Variants in FCRL6 observed in about 807,000 individuals in gnomAD.
FCRL6 encodes the protein Fc receptor-like protein 6.
In FCRL6, 50 loss-of-function variants were observed where a neutral mutation model predicts 49.1. The observed-to-expected ratio is 1.02, with a 90% confidence interval of 0.81 to 1.29. The LOEUF (loss-of-function observed/expected upper bound fraction) is 1.29. Among genes scored for constraint, FCRL6 ranks in the 50% most tolerant of loss-of-function variants. The pLI is 0.00. For missense variants in FCRL6, 571 were observed against 518.5 expected, an observed-to-expected ratio of 1.10 and a Z score of -0.98; for synonymous variants, 213 against 199.6, an observed-to-expected ratio of 1.07 and a Z score of -0.57.
intron 1 of FCRL6, among the ~76,000 whole-genome samples, chr1:159,805,341 C>T (rs1036917313): frequency 6.6e-6 from 1 of 151,526 alleles, no homozygotes; most frequent in Non-Finnish European, 1.5e-5. Flanking sequence ...TTTTCACCCA[C>T]CCTTCCCAAG....
intron 3 of FCRL6, chr1:159,808,739 C>A: frequency 1.6e-6 from 1 of 607,706 alleles, no homozygotes; most frequent in South Asian, 2.1e-5. Flanking sequence ...ACTTCGAAGG[C>A]CCCCTCTGCC....
At chr1:159,813,459 C>G (rs769023276) in intron 6 of FCRL6, 30 bp from the exon 7 acceptor site, 1 of 1,598,180 alleles carries the variant, frequency 6.3e-7, no homozygotes, top group Non-Finnish European at 8.6e-7. Flanking sequence ...CTAAGGGACA[C>G]CCAGTGAATC....
chr1:159,814,284 G>C lies in FCRL6; in HGVS notation c.1139G>C (p.Arg380Thr). 1 of 1,614,112 alleles carries C rather than the reference G, an allele frequency of 6.2e-7. No homozygotes were observed. The highest frequency in any genetic ancestry group is 8.5e-7 in the Non-Finnish European group (1 of 1,179,944). The change falls in exon 8 of 10, where the codon AGG (arginine) becomes ACG (threonine). Residue 380 changes from arginine (R) to threonine (T), a missense_variant. Coordinates refer to ENST00000368106, the MANE Select transcript of FCRL6 (RefSeq NM_001004310.3). ...VYSVVHRTSK[R>T]SEARSAEFTV... ...TCTGTGGTGCATAGAACCTCAAAGA[G>C]GAGTGAAGGTGAGTGATCTCAGGCC... is the stretch of plus-strand genomic sequence containing the variant.
At chr1:159,807,576 C>T (rs77525614) in intron 2 of FCRL6, among the ~76,000 whole-genome samples, 1,595 of 152,300 alleles carry the variant, frequency 0.01, 32 homozygotes, top group African/African-American at 0.036. Context: ...AAACGCCCTG[C>T]TGAGGGTAGA....
Position 159,815,476 on chromosome 1 carries a change from G to T in FCRL6, c.1179+17G>T, listed in dbSNP as rs1663344381. 1.2e-6 allele frequency: 2 copies of T among 1,614,102 alleles called. No individual in the cohort carries two copies. Among genetic ancestry groups the T allele is most frequent in the Non-Finnish European group, 1.7e-6 (2 of 1,179,946 alleles). ...GGGAGAAAGGTGAGCTGGGATCCCTGCTCCTTTCTCACCCTCTCTCTTACA... is the reference window on the plus strand; with the variant it reads ...GGGAGAAAGGTGAGCTGGGATCCCTTCTCCTTTCTCACCCTCTCTCTTACA... On this transcript the variant is annotated intron_variant, in intron 9 of 9. Coordinates refer to ENST00000368106, the MANE Select transcript of FCRL6 (RefSeq NM_001004310.3).
chr1:159,811,868 G>T (rs1264522605), intron 6 of FCRL6, among the ~76,000 whole-genome samples: 1 of 152,198 alleles, frequency 6.6e-6, no homozygotes, highest in African/African-American at 2.4e-5. Context: ...GCCCAGCCTG[G>T]CCTCGGTAAT....
chr1:159,803,350 C>T (rs1662466589), intron 1 of FCRL6, among the ~76,000 whole-genome samples: 1 of 152,170 alleles, frequency 6.6e-6, no homozygotes, highest in Admixed American at 6.5e-5. Flanking sequence ...TTCTTGGTCC[C>T]AATAGCTTGC....
chr1:159,814,138 C>A, intron 7 of FCRL6, 83 bp from the exon 8 acceptor site: 2 of 1,296,774 alleles, frequency 1.5e-6, no homozygotes, highest in Non-Finnish European at 2.2e-6. Flanking sequence ...CCCTGATGGG[C>A]TTCTCTCCAT....
Position 159,813,624 on chromosome 1 carries a change from G to A in FCRL6, c.1075+70G>A, listed in dbSNP as rs1162878718. The A allele has an allele frequency of 6.6e-6, 9 of 1,367,818 alleles. No homozygotes were observed. The African/African-American group carries it at 7.2e-5, about 11-fold the overall frequency. 84.7% of individuals were successfully genotyped at this position (1,367,818 alleles called of 1,614,324 possible). ...AAGAGCTTCTTAAGGGAAGTAAGAAGGGAGCTCTCCAGAGCCCTGTATCTC... is the reference window on the plus strand; with the variant it reads ...AAGAGCTTCTTAAGGGAAGTAAGAAAGGAGCTCTCCAGAGCCCTGTATCTC... On this transcript the variant is annotated intron_variant, in intron 7 of 9. Coordinates refer to ENST00000368106, the MANE Select transcript of FCRL6 (RefSeq NM_001004310.3).
At chr1:159,804,245 T>C (rs1174252501) in intron 1 of FCRL6, among the ~76,000 whole-genome samples, 1 of 152,174 alleles carries the variant, frequency 6.6e-6, no homozygotes, top group Non-Finnish European at 1.5e-5. Context: ...GAGTTCTTCA[T>C]GTTGAGCCGA....
rs149410080 is a variant in FCRL6 at position 159,815,657 on chromosome 1, G to T, written c.1301G>T (p.Cys434Phe). The stretch of plus-strand genomic sequence containing the variant: ...CTTAGCGACTGTGAGGAGGTTCTCT[G>T]CTAGTGATGGTGTTCTCCTATCAAC... ...EPLSDCEEVL[C>F] Residue 434 changes from cysteine (C) to phenylalanine (F), a missense_variant, in exon 10 of 10, where the codon TGC becomes TTC. Cys to Phe is a radical substitution (Grantham distance 205, BLOSUM62 -2). Transcript: ENST00000368106. The T allele has an allele frequency of 6.2e-7, 1 of 1,613,928 alleles. No individual in the cohort carries two copies. The highest frequency in any genetic ancestry group is 1.6e-4 in the Middle Eastern group (1 of 6,082).
At chr1:159,809,349 G>C (rs1434680532) in intron 4 of FCRL6, 53 bp from the exon 5 acceptor site, 4 of 1,536,644 alleles carry the variant, frequency 2.6e-6, no homozygotes, top group Non-Finnish European at 3.5e-6. Flanking sequence ...GGAGAGGAGG[G>C]AGCCAGGGTC....
intron 1 of FCRL6, among the ~76,000 whole-genome samples, chr1:159,805,069 A>G (rs995754855): frequency 3.9e-5 from 6 of 152,318 alleles, no homozygotes; most frequent in Non-Finnish European, 8.8e-5. Flanking sequence ...AGAAAGAGGC[A>G]AATTCATGAC....
intron 1 of FCRL6, among the ~76,000 whole-genome samples, chr1:159,803,715 C>T (rs1459659549): frequency 6.6e-6 from 1 of 152,174 alleles, no homozygotes; most frequent in Non-Finnish European, 1.5e-5. Flanking sequence ...ACGAGGATGA[C>T]AGACAGCAAA....
At chr1:159,800,821 T>C (rs775133761), upstream of FCRL6, among the ~76,000 whole-genome samples, 1 of 152,220 alleles carries the variant, frequency 6.6e-6, no homozygotes, top group Non-Finnish European at 1.5e-5. Context: ...TCCATCAGAC[T>C]ATGTAGAACT....
chr1:159,806,330 G>C (rs1005207088), intron 1 of FCRL6, among the ~76,000 whole-genome samples: 3 of 152,192 alleles, frequency 2.0e-5, no homozygotes, highest in Admixed American at 6.5e-5. Flanking sequence ...CAAACGTTGA[G>C]TAGTCAAGTG....
chr1:159,809,244 G>C lies in FCRL6; in HGVS notation c.603G>C (p.Gln201His). 2.6e-6 allele frequency: 4 copies of C among 1,558,002 alleles called. No individual in the cohort carries two copies. The highest frequency in any genetic ancestry group is 3.5e-6 in the Non-Finnish European group (4 of 1,155,036). ...GCCCCCAGCTGGAGGTCAGAGTGCA[G>C]GGTAAGTGCGCGAGAGAGTGGAGAT... Reference protein sequence around the residue: ...KQSPQLEVRVQAPVSRPVLTL... With the variant: ...KQSPQLEVRVHAPVSRPVLTL... Residue 201 changes from glutamine to histidine, a missense_variant and splice_region_variant, in exon 4 of 10, where the codon CAG (glutamine) becomes CAC (histidine). Gln to His is a conservative substitution (Grantham distance 24). Coordinates refer to ENST00000368106, the MANE Select transcript of FCRL6 (RefSeq NM_001004310.3).
At chr1:159,807,341 C>T (rs1460521763) in intron 2 of FCRL6, among the ~76,000 whole-genome samples, 2 of 152,136 alleles carry the variant, frequency 1.3e-5, no homozygotes, top group Admixed American at 6.5e-5. Context: ...CAGGCCTGCT[C>T]AGAAGGCTGT....
chr1:159,800,826 A>G (rs1329897622), upstream of FCRL6, among the ~76,000 whole-genome samples: 1 of 152,228 alleles, frequency 6.6e-6, no homozygotes, highest in Non-Finnish European at 1.5e-5. Flanking sequence ...CAGACTATGT[A>G]GAACTTCTCA....
Sources: allele counts gnomAD v4.1 joint callset (sites outside exome capture counted in the v4.1 genomes callset), GRCh38; gene constraint gnomAD v4.1.1; transcripts MANE v1.5; gene names NCBI Gene and HGNC (gene_info 2026-07-23, HGNC 2026-07-21).